PSG4: variants seen among roughly 807,000 people sequenced by gnomAD.
The protein encoded by PSG4 is pregnancy-specific beta-1-glycoprotein 4.
A neutral mutation model predicts 44.3 loss-of-function variants in PSG4; 61 were observed. The ratio of observed to expected loss-of-function variants is 1.38; its 90% CI spans 1.12 to 1.70. The LOEUF (loss-of-function observed/expected upper bound fraction) is 1.70, where lower values mean the gene tolerates loss of function less well. Among genes scored for constraint, PSG4 ranks in the 40% most tolerant of loss-of-function variants. PSG4 has a pLI of 0.00. For missense variants in PSG4, 677 were observed against 511.7 expected (o/e 1.32, Z -3.12); for synonymous variants, 248 against 191.3 (o/e 1.30, Z -2.45).
At chr19:43,194,106 G>C in intron 5 of PSG4, 1 of 1,300,288 alleles carries the variant, frequency 7.7e-7, no homozygotes, top group South Asian at 1.6e-5. Context: ...TTATTTCAAT[G>C]AAATCAATGT....
chr19:43,198,528 C>G, intron 2 of PSG4: 3 of 651,024 alleles, frequency 4.6e-6, no homozygotes, highest in Non-Finnish European at 6.8e-6. Flanking sequence ...CATGGAAAGA[C>G]ACAGGACCAG....
intron 2 of PSG4, chr19:43,203,445 T>G (rs534205556): frequency 6.0e-6 from 1 of 166,212 alleles, no homozygotes; most frequent in South Asian, 1.5e-4. Context: ...AACCCAGCAC[T>G]GGCACAGGCT....
chr19:43,198,420 T>G (rs534585037), intron 2 of PSG4, 145 bp from the exon 3 acceptor site: 1 of 1,365,404 alleles, frequency 7.3e-7, no homozygotes, highest in South Asian at 1.5e-5. Context: ...TAAAGACAGA[T>G]GCATGGCAAT....
rs1281153318 is a variant in PSG4 at position 43,202,760 on chromosome 19, T to G, written c.430+1126A>C. Among the ~76,000 whole-genome samples, 5 of 144,956 alleles carry G rather than the reference T, an allele frequency of 3.4e-5. 2 individuals carry two copies. Among genetic ancestry groups the G allele is most frequent in the Admixed American group, 2.1e-4 (3 of 14,606 alleles). ...ATGGTTGAGGCAGGTGATTTAGTTCTGGAGTGCAGACTAATCAGCTGACCA... is the reference window on the plus strand; with the variant it reads ...ATGGTTGAGGCAGGTGATTTAGTTCGGGAGTGCAGACTAATCAGCTGACCA... On this transcript the variant is annotated intron_variant, in intron 2 of 5. Transcript: ENST00000405312.
Position 43,204,016 on chromosome 19 carries a change from T to C in PSG4, c.300A>G (p.Arg100=). Reference sequence around the variant, plus strand: ...TCAGCAGGGATGCATTGGAATATACTCTTTCTCTTCCACTGTATGCAGGCC... The same window carrying C: ...TCAGCAGGGATGCATTGGAATATACCCTTTCTCTTCCACTGTATGCAGGCC... ...IYGPAYSGRE[R]VYSNASLLIQ... Residue 100 remains arginine (R), a synonymous_variant, in exon 2 of 6, where the codon AGA becomes AGG. Transcript: ENST00000405312. 1 of 1,587,966 alleles carries C rather than the reference T, an allele frequency of 6.3e-7. No homozygotes were observed. The highest frequency in any genetic ancestry group is 1.7e-4 in the Middle Eastern group (1 of 5,966).
Position 43,195,263 on chromosome 19 carries a change from G to A in PSG4, c.720C>T (p.Ser240=), listed in dbSNP as rs1186345311. Residue 240 remains serine (S), a synonymous_variant, in exon 4 of 6, where the codon TCC becomes TCT. Coordinates refer to ENST00000405312, the MANE Select transcript of PSG4 (RefSeq NM_002780.5). ...PVTLNLLPKL[S]KPYITINNLN... is the part of the protein sequence containing the mutation. ...AGTTGTTGATTGTGATGTAGGGCTT[G>A]GACAGCTTTGCTGTGTGGATAACAG... 6.2e-7 allele frequency: 1 copy of A among 1,610,254 alleles called. No homozygotes were observed.
rs768054043 is a variant in PSG4, at chr19:43,198,130, C to G, written c.576G>C (p.Arg192Ser). 5 of 1,587,718 alleles carry G rather than the reference C, an allele frequency of 3.1e-6. No individual in the cohort carries two copies. Among genetic ancestry groups the G allele is most frequent in the Non-Finnish European group, 4.3e-6 (5 of 1,171,896 alleles). Residue 192 changes from arginine to serine, a missense_variant, in exon 3 of 6, where the codon AGG (arginine) becomes AGC (serine). Physicochemically the swap from Arg to Ser is moderately radical, Grantham distance 110. Coordinates refer to ENST00000405312, the MANE Select transcript of PSG4 (RefSeq NM_002780.5). ...MNGQSLPMTH[R>S]LQLSKTNRTL... ...TCCTGTTGGTTTTGGACAGCTGCAA[C>G]CTGTGAGTCATAGGGAGGCTCTGAC...
In PSG4 at chr19:43,197,294, T is replaced by C. The variant is rs1031173027; in HGVS notation, c.709+703A>G. Reference sequence around the variant, plus strand: ...AGGTGGCTTTTCCCTGATAGCTAGATAGACTTCACTGGAAAACATATTGCC... The same window carrying C: ...AGGTGGCTTTTCCCTGATAGCTAGACAGACTTCACTGGAAAACATATTGCC... On this transcript the variant is annotated intron_variant, in intron 3 of 5. Transcript: ENST00000405312. Among the ~76,000 whole-genome samples, 9 of 145,578 alleles carry C rather than the reference T, an allele frequency of 6.2e-5. 1 individual carries two copies. The highest frequency in any genetic ancestry group is 1.0e-4 in the Non-Finnish European group (7 of 67,164).
At chr19:43,199,349 T>C (rs1337507505) in intron 2 of PSG4, among the ~76,000 whole-genome samples, 2 of 145,622 alleles carry the variant, frequency 1.4e-5, no homozygotes, top group African/African-American at 5.3e-5. Context: ...TCCATGGTTG[T>C]GCATTTTCAG....
At chr19:43,201,819 T>TTCTGTGTGTG in intron 2 of PSG4, among the ~76,000 whole-genome samples, 1 of 139,436 alleles carries the variant, frequency 7.2e-6, no homozygotes, top group East Asian at 2.5e-4. Flanking sequence ...TTCAATAATT[T>TTCTGTGTGTG]TGTGTGTGTG....
At chr19:43,197,860 C>T (rs2122318863) in intron 3 of PSG4, 137 bp downstream of exon 3, 4 of 1,541,866 alleles carry the variant, frequency 2.6e-6, no homozygotes, top group Non-Finnish European at 3.5e-6. Flanking sequence ...TTGCCTGGGG[C>T]AGAAAGTCAT....
intron 1 of PSG4, 135 bp from the exon 2 acceptor site, chr19:43,204,386 A>C: frequency 8.4e-7 from 1 of 1,189,646 alleles, no homozygotes; most frequent in Non-Finnish European, 1.2e-6. Flanking sequence ...ACACACACTA[A>C]AGGGGCGTGA....
chr19:43,198,998 G>C (rs548257892), intron 2 of PSG4: 1 of 146,460 alleles, frequency 6.8e-6, no homozygotes, highest in Non-Finnish European at 1.5e-5. Flanking sequence ...CATGTTCCGT[G>C]TTCTGGGTCC....
At chr19:43,205,029 G>T in intron 1 of PSG4, 1 of 222,838 alleles carries the variant, frequency 4.5e-6, no homozygotes, top group Non-Finnish European at 8.4e-6. Flanking sequence ...TTCCTATTTT[G>T]ACCCTCTGGT....
chr19:43,204,992 A>T (rs144939066), intron 1 of PSG4: 11,424 of 233,684 alleles, frequency 0.049, 1,253 homozygotes, highest in Admixed American at 0.15. Flanking sequence ...TTTTCCTACC[A>T]CTTACCAATT....
rs200687668 is a variant in PSG4 at position 43,198,245 on chromosome 19, C to G, written c.461G>C (p.Ser154Thr). The change falls in exon 3 of 6, where the codon AGC becomes ACC. Residue 154 changes from serine to threonine, a missense_variant. Physicochemically the swap from Ser to Thr is moderately conservative, Grantham distance 58. Transcript: ENST00000405312. ...CATGGCCTCCCTGGGATTTAAGTTG[C>G]TGCTGGAGATGGAGGGCTTGGGAGT... ...LETPKPSISS[S>T]NLNPREAMEA... The G allele has an allele frequency of 1.1e-5, 18 of 1,586,990 alleles. 3 individuals are homozygous for G. The Admixed American group carries it at 3.1e-4, about 27-fold the overall frequency.
rs1454403260 is a variant in PSG4 at position 43,204,782 on chromosome 19, C to G, written c.65-531G>C. 2 of 403,844 alleles carry G rather than the reference C, an allele frequency of 5.0e-6. 1 individual carries two copies. Among genetic ancestry groups the G allele is most frequent in the African/African-American group, 5.4e-5 (2 of 36,700 alleles). The allele number at this position is 403,844 out of a possible 1,614,324, so 25.0% of individuals were successfully genotyped here. On this transcript the variant is annotated intron_variant, in intron 1 of 5. Transcript: ENST00000405312. ...CAGTACCTGGAACAGGCGGCAGACTCCTGTAGATGTGAGAGTTCTCAGGGT... is the reference window on the plus strand; with the variant it reads ...CAGTACCTGGAACAGGCGGCAGACTGCTGTAGATGTGAGAGTTCTCAGGGT...
Position 43,201,069 on chromosome 19 carries a change from C to T in PSG4, c.431-2794G>A, listed in dbSNP as rs1967488909. Among the ~76,000 whole-genome samples, 3 of 145,396 alleles carry T rather than the reference C, an allele frequency of 2.1e-5. 1 individual carries two copies. Among genetic ancestry groups the T allele is most frequent in the African/African-American group, 5.3e-5 (2 of 37,936 alleles). On this transcript the variant is annotated intron_variant, in intron 2 of 5. Transcript: ENST00000405312. Reference sequence around the variant, plus strand: ...GTCCATGTGCTTTGGGGACTGCAGGCCTGTCCAGCCTCTGACACCCTGGTG... The same window carrying T: ...GTCCATGTGCTTTGGGGACTGCAGGTCTGTCCAGCCTCTGACACCCTGGTG...
At chr19:43,195,840 C>G (rs1363217642) in intron 3 of PSG4, among the ~76,000 whole-genome samples, 1 of 149,908 alleles carries the variant, frequency 6.7e-6, no homozygotes, top group Non-Finnish European at 1.5e-5. Context: ...GTTCAGTCAT[C>G]AGCCAGTGGA....
Sources: gnomAD v4.1 joint callset for allele counts (sites outside exome capture counted in the v4.1 genomes callset) on GRCh38, gnomAD v4.1.1 for gene constraint, MANE v1.5 for transcripts, NCBI Gene and HGNC (gene_info 2026-07-23, HGNC 2026-07-21) for gene names.